NR2F1-AS1: variants seen among roughly 807,000 people sequenced by gnomAD.
The protein encoded by NR2F1-AS1 is NR2F1 antisense RNA 1.
chr5:93,524,462 A>G (rs1751569875), intron 4 of NR2F1-AS1, among the ~76,000 whole-genome samples: 1 of 152,210 alleles, frequency 6.6e-6, no homozygotes, highest in South Asian at 2.1e-4. Context: ...AACTTGTCCA[A>G]CCTAGCAAGA....
chr5:93,503,912 A>G (rs1751134324), intron 4 of NR2F1-AS1, among the ~76,000 whole-genome samples: 1 of 152,120 alleles, frequency 6.6e-6, no homozygotes, highest in African/African-American at 2.4e-5. Context: ...ACACATGAGC[A>G]TGGCTATATG....
chr5:93,482,503 T>G (rs774320598), intron 4 of NR2F1-AS1, among the ~76,000 whole-genome samples: 4 of 152,064 alleles, frequency 2.6e-5, no homozygotes, highest in African/African-American at 9.7e-5. Context: ...GCCCTGGATT[T>G]CAAGCACAAA....
chr5:93,572,174 GC>G (rs1337313143), intron 1 of NR2F1-AS1, among the ~76,000 whole-genome samples: 4 of 152,248 alleles, frequency 2.6e-5, no homozygotes, highest in African/African-American at 9.6e-5. Flanking sequence ...CTCCAGCTGT[GC>G]GTTTCGGAGC....
At chr5:93,523,396 G>T (rs1297553713) in intron 4 of NR2F1-AS1, among the ~76,000 whole-genome samples, 1 of 152,190 alleles carries the variant, frequency 6.6e-6, no homozygotes, top group Non-Finnish European at 1.5e-5. Flanking sequence ...CAGAGGACCT[G>T]GGGGAAGTGG....
intron 4 of NR2F1-AS1, among the ~76,000 whole-genome samples, chr5:93,446,792 A>C (rs1749720041): frequency 6.6e-6 from 1 of 152,198 alleles, no homozygotes; most frequent in Admixed American, 6.5e-5. Flanking sequence ...ACGCTACCTG[A>C]CTTCAAACTA....
At chr5:93,480,317 C>T (rs769298603) in intron 4 of NR2F1-AS1, among the ~76,000 whole-genome samples, 5 of 151,972 alleles carry the variant, frequency 3.3e-5, no homozygotes, top group Admixed American at 6.6e-5. Context: ...AGATTAACAA[C>T]CTATTTTTAT....
upstream of NR2F1-AS1, among the ~76,000 whole-genome samples, chr5:93,582,126 C>G (rs1312919084): frequency 2.8e-5 from 4 of 143,350 alleles, no homozygotes; most frequent in East Asian, 2.1e-4. Flanking sequence ...CGCCTCCCCC[C>G]CTCTCCATCT....
chr5:93,460,786 C>T (rs1317033502), intron 4 of NR2F1-AS1, among the ~76,000 whole-genome samples: 1 of 152,112 alleles, frequency 6.6e-6, no homozygotes, highest in African/African-American at 2.4e-5. Flanking sequence ...CAGTGAGGTA[C>T]CATCTCACAC....
intron 4 of NR2F1-AS1, among the ~76,000 whole-genome samples, chr5:93,419,225 A>C (rs998339848): frequency 1.3e-5 from 2 of 152,244 alleles, no homozygotes; most frequent in Non-Finnish European, 2.9e-5. Flanking sequence ...TGTTCAGTGA[A>C]AAAAGGATGA....
At chr5:93,476,844 G>A (rs1157194655) in intron 4 of NR2F1-AS1, among the ~76,000 whole-genome samples, 1 of 151,966 alleles carries the variant, frequency 6.6e-6, no homozygotes, top group Admixed American at 6.6e-5. Flanking sequence ...AAAAAAAATG[G>A]ACATTTCTTA....
At chr5:93,581,040 A>G (rs1224381846), upstream of NR2F1-AS1, 4 of 152,314 alleles carry the variant, frequency 2.6e-5, no homozygotes, top group Non-Finnish European at 5.9e-5. Flanking sequence ...TGTAGGCTGG[A>G]GAGACCAGGA....
chr5:93,482,452 C>A (rs1750620395), intron 4 of NR2F1-AS1, among the ~76,000 whole-genome samples: 1 of 152,102 alleles, frequency 6.6e-6, no homozygotes, highest in Non-Finnish European at 1.5e-5. Context: ...TCTTCATAAC[C>A]CACAGACCAG....
intron 1 of NR2F1-AS1, among the ~76,000 whole-genome samples, chr5:93,574,578 G>A (rs1284506470): frequency 1.3e-5 from 2 of 152,100 alleles, no homozygotes; most frequent in Non-Finnish European, 2.9e-5. Context: ...GTGATTCGTG[G>A]AAAGAAAAGA....
At chr5:93,485,814 G>A (rs1015881446) in intron 4 of NR2F1-AS1, among the ~76,000 whole-genome samples, 4 of 149,518 alleles carry the variant, frequency 2.7e-5, no homozygotes, top group South Asian at 2.2e-4. Context: ...ACATGCACAC[G>A]TATGTTTATT....
intron 4 of NR2F1-AS1, among the ~76,000 whole-genome samples, chr5:93,413,258 A>G (rs1044738661): frequency 2.6e-5 from 4 of 151,432 alleles, no homozygotes; most frequent in African/African-American, 7.3e-5. Flanking sequence ...TGATCTCTAG[A>G]AAGAAAAGGA....
At chr5:93,461,746 A>G (rs751395551) in intron 4 of NR2F1-AS1, among the ~76,000 whole-genome samples, 6 of 152,218 alleles carry the variant, frequency 3.9e-5, no homozygotes, top group Non-Finnish European at 8.8e-5. Flanking sequence ...TATGCACTAC[A>G]GATGGGCCAC....
At chr5:93,519,708 T>G (rs922800491) in intron 4 of NR2F1-AS1, among the ~76,000 whole-genome samples, 1 of 152,032 alleles carries the variant, frequency 6.6e-6, no homozygotes, top group Non-Finnish European at 1.5e-5. Context: ...ATTCTTAATG[T>G]TTAACAAAAA....
chr5:93,506,269 T>C (rs937488822), intron 4 of NR2F1-AS1, among the ~76,000 whole-genome samples: 1 of 152,218 alleles, frequency 6.6e-6, no homozygotes, highest in African/African-American at 2.4e-5. Context: ...TTCATATCAC[T>C]ATCAGCTTCT....
At chr5:93,467,739 C>T (rs1750270027) in intron 4 of NR2F1-AS1, among the ~76,000 whole-genome samples, 1 of 152,132 alleles carries the variant, frequency 6.6e-6, no homozygotes, top group Non-Finnish European at 1.5e-5. Flanking sequence ...AGGTTTGTTA[C>T]ATAGGTATAC....
Sources: allele counts gnomAD v4.1 joint callset (sites outside exome capture counted in the v4.1 genomes callset), GRCh38; gene constraint gnomAD v4.1.1; transcripts MANE v1.5; gene names NCBI Gene and HGNC (gene_info 2026-07-23, HGNC 2026-07-21).